Variants in PALS1 observed in about 807,000 individuals in gnomAD.
PALS1 encodes protein associated with LIN7 1, MAGUK p55 family member.
PALS1 carries 31 observed loss-of-function variants against 78.9 expected under a neutral mutation model. The ratio of observed to expected loss-of-function variants is 0.39; its 90% CI spans 0.30 to 0.53. The LOEUF (loss-of-function observed/expected upper bound fraction) is 0.53. PALS1 is among the 20% of genes least tolerant of loss of function. The pLI is 0.67. For missense variants in PALS1, 704 were observed against 826.5 expected (o/e 0.85, Z 1.82); for synonymous variants, 276 against 270.9 (o/e 1.02, Z -0.18).
chr14:67,247,587 T>C (rs2084005827), intron 1 of PALS1, among the ~76,000 whole-genome samples: 1 of 146,492 alleles, frequency 6.8e-6, no homozygotes, highest in Admixed American at 6.8e-5. Context: ...TCTTGTTCAC[T>C]TTTTTTTTTT....
intron 2 of PALS1, among the ~76,000 whole-genome samples, chr14:67,277,524 C>T (rs547066380): frequency 6.6e-6 from 1 of 152,040 alleles, no homozygotes; most frequent in Non-Finnish European, 1.5e-5. Context: ...TGTGCTCTAA[C>T]CAACTTGTTT....
At chr14:67,312,313 C>T (rs2085102045) in intron 8 of PALS1, 1 of 327,330 alleles carries the variant, frequency 3.1e-6, no homozygotes, top group Non-Finnish European at 5.4e-6. Context: ...TGCAGTGGCT[C>T]ACACCTATAA....
intron 14 of PALS1, among the ~76,000 whole-genome samples, chr14:67,328,488 C>T (rs2085394385): frequency 6.6e-6 from 1 of 152,096 alleles, no homozygotes; most frequent in South Asian, 2.1e-4. Context: ...TTAATTAGAT[C>T]CCATTTGTCA....
intron 3 of PALS1, among the ~76,000 whole-genome samples, chr14:67,283,021 T>G (rs543751571): frequency 6.6e-6 from 1 of 152,232 alleles, no homozygotes; most frequent in South Asian, 2.1e-4. Context: ...TATAAAATTG[T>G]TGTCTTTGAA....
intron 7 of PALS1, 66 bp from the exon 8 acceptor site, chr14:67,303,456 T>C (rs1264834326): frequency 5.5e-6 from 7 of 1,266,684 alleles, no homozygotes; most frequent in Non-Finnish European, 8.1e-6. Context: ...GGAATATAGA[T>C]CATAAAATCA....
At chr14:67,255,085 G>A (rs979889782) in intron 1 of PALS1, among the ~76,000 whole-genome samples, 22 of 152,052 alleles carry the variant, frequency 1.4e-4, no homozygotes, top group African/African-American at 5.3e-4. Flanking sequence ...GGAGGCGGAG[G>A]TTGCAGTGAG....
intron 13 of PALS1, among the ~76,000 whole-genome samples, chr14:67,323,261 G>GTATATA (rs58770441): frequency 0.011 from 1,397 of 124,150 alleles, 18 homozygotes; most frequent in African/African-American, 0.032. Flanking sequence ...GTGTGTGTGT[G>GTATATA]TATATATATA....
rs3809388 is a variant in PALS1 at position 67,320,222 on chromosome 14, T to C, written c.1370-8T>C. On this transcript the variant is annotated splice_polypyrimidine_tract_variant and splice_region_variant and intron_variant, in intron 11 of 14. Transcript: ENST00000261681. The stretch of plus-strand genomic sequence containing the variant: ...TTGTTTGAAGAGCTTAACTTTTTTT[T>C]CCCAAAGATTATGACAACGAGGAGA... 4.3e-4 allele frequency: 687 copies of C among 1,601,008 alleles called. No homozygotes were observed. The highest frequency in any genetic ancestry group is 5.1e-4 in the Non-Finnish European group (604 of 1,175,906).
At chr14:67,251,964 A>G (rs1275908828) in intron 1 of PALS1, among the ~76,000 whole-genome samples, 2 of 152,098 alleles carry the variant, frequency 1.3e-5, no homozygotes, top group Admixed American at 6.6e-5. Context: ...AAACTCCTAA[A>G]TGACAGTGTT....
In PALS1 at chr14:67,329,676, C is replaced by T. The variant is rs187239449; in HGVS notation, c.1852-3104C>T. On this transcript the variant is annotated intron_variant, in intron 14 of 14. Transcript: ENST00000261681. ...GACGCATCACTTGAGGCCAGGAGTT[C>T]GAGACCAGCCTGGGCAACATAGTGA... Among the ~76,000 whole-genome samples the T allele has an allele frequency of 1.7e-3, 251 of 151,918 alleles. 1 individual carries two copies. Among genetic ancestry groups the T allele is most frequent in the Admixed American group, 6.1e-3 (93 of 15,246 alleles).
intron 2 of PALS1, among the ~76,000 whole-genome samples, chr14:67,273,260 TC>T (rs1295682039): frequency 6.6e-6 from 1 of 151,316 alleles, no homozygotes; most frequent in Non-Finnish European, 1.5e-5. Context: ...ATGCTATCGC[TC>T]CCCCCTCCCA....
chr14:67,254,277 T>G (rs560338247), intron 1 of PALS1: 1 of 151,836 alleles, frequency 6.6e-6, no homozygotes, highest in Admixed American at 6.6e-5. Flanking sequence ...AAGTTTTTGG[T>G]ACCAAGTGGG....
chr14:67,304,904 C>T (rs577344260), intron 8 of PALS1, among the ~76,000 whole-genome samples: 3 of 152,260 alleles, frequency 2.0e-5, no homozygotes, highest in Admixed American at 2.0e-4. Context: ...AGAAAGAACA[C>T]AGTTTCATTT....
In PALS1 at chr14:67,279,343, G is replaced by T; in HGVS notation, c.173G>T (p.Arg58Leu). The T allele has an allele frequency of 4.3e-6, 7 of 1,613,858 alleles. No individual in the cohort carries two copies. Among genetic ancestry groups the T allele is most frequent in the Non-Finnish European group, 5.9e-6 (7 of 1,179,952 alleles). ...MPIRRSAQLE[R>L]IRQQQEDMRR... ...ATACGTCGAAGTGCACAGTTGGAGC[G>T]TATTCGGCAACAACAGGAGGACATG... The change falls in exon 3 of 15, where the codon CGT (arginine) becomes CTT (leucine). Residue 58 changes from arginine (R) to leucine (L), a missense_variant. Coordinates refer to ENST00000261681, the MANE Select transcript of PALS1 (RefSeq NM_022474.4).
chr14:67,315,287 T>A (rs2085152488), intron 9 of PALS1, among the ~76,000 whole-genome samples: 1 of 144,180 alleles, frequency 6.9e-6, no homozygotes, highest in Non-Finnish European at 1.5e-5. Context: ...TTTTTTTTTT[T>A]TTTTTTTGAG....
intron 1 of PALS1, chr14:67,254,218 A>G (rs1352753596): frequency 7.5e-6 from 1 of 133,956 alleles, no homozygotes; most frequent in Admixed American, 7.9e-5. Flanking sequence ...TAAGTTTCTT[A>G]AGGATACGGA....
At chr14:67,311,106 G>A (rs547799726) in intron 8 of PALS1, among the ~76,000 whole-genome samples, 42 of 152,136 alleles carry the variant, frequency 2.8e-4, no homozygotes, top group Non-Finnish European at 3.4e-4. Flanking sequence ...GAGGTCAGGA[G>A]TTCAAGACCA....
intron 1 of PALS1, among the ~76,000 whole-genome samples, chr14:67,248,764 C>T (rs1177917750): frequency 6.6e-6 from 1 of 152,138 alleles, no homozygotes; most frequent in Admixed American, 6.6e-5. Context: ...TAAAACTTTA[C>T]TTATAAAAAT....
At chr14:67,269,176 A>G (rs1037921927) in intron 1 of PALS1, among the ~76,000 whole-genome samples, 3 of 152,194 alleles carry the variant, frequency 2.0e-5, no homozygotes, top group African/African-American at 7.2e-5. Flanking sequence ...TGTAGGGTTA[A>G]TCTATGTTGT....
Sources: gnomAD v4.1 joint callset for allele counts (sites outside exome capture counted in the v4.1 genomes callset) on GRCh38, gnomAD v4.1.1 for gene constraint, MANE v1.5 for transcripts, NCBI Gene and HGNC (gene_info 2026-07-23, HGNC 2026-07-21) for gene names.